SMURF2: variants seen among roughly 807,000 people sequenced by gnomAD.
SMURF2 encodes the protein E3 ubiquitin-protein ligase SMURF2.
A neutral mutation model predicts 109.6 loss-of-function variants in SMURF2; 48 were observed. That is an observed-to-expected ratio of 0.44 (90% CI 0.35 to 0.56). The LOEUF (loss-of-function observed/expected upper bound fraction) is 0.56, where lower values mean the gene tolerates loss of function less well. Among genes scored for constraint, SMURF2 ranks in the 20% least tolerant of loss-of-function variants. SMURF2 has a pLI of 0.01. For missense variants in SMURF2, 575 were observed against 909.0 expected (o/e 0.63, Z 4.72); for synonymous variants, 288 against 317.1 (o/e 0.91, Z 0.97).
intron 1 of SMURF2, among the ~76,000 whole-genome samples, chr17:64,655,070 T>C (rs1468646407): frequency 6.6e-6 from 1 of 151,844 alleles, no homozygotes; most frequent in African/African-American, 2.4e-5. Context: ...CACACAAATA[T>C]AAATTATCTG....
intron 1 of SMURF2, among the ~76,000 whole-genome samples, chr17:64,652,945 G>C (rs1555693645): frequency 2.0e-5 from 3 of 152,092 alleles, no homozygotes; most frequent in Admixed American, 6.5e-5. Context: ...AAATGTATGA[G>C]TTAAAATTAT....
intron 11 of SMURF2, among the ~76,000 whole-genome samples, 196 bp from the exon 12 acceptor site, chr17:64,561,799 C>A (rs1452565897): frequency 6.6e-6 from 1 of 151,220 alleles, no homozygotes; most frequent in Non-Finnish European, 1.5e-5. Flanking sequence ...GAATTCTAGA[C>A]CAGCCTGGGC....
chr17:64,547,544 C>G lies in SMURF2; in HGVS notation c.2071+56G>C, dbSNP rs1555683226. The G allele has an allele frequency of 4.7e-6, 7 of 1,479,252 alleles. No individual in the cohort carries two copies. The Admixed American group carries it at 6.7e-5, about 14-fold the overall frequency. The allele number at this position is 1,479,252 out of a possible 1,614,324, so 91.6% of individuals were successfully genotyped here. A position where few individuals can be genotyped will look rare whatever the true frequency, so the allele number is the denominator to read the frequency against. ...TTACAAAATATCTCCACAGACCCCA[C>G]GCTGACAGCCCCGCCCCCACCCGCT... On this transcript the variant is annotated intron_variant, in intron 17 of 18. Transcript: ENST00000262435. This position sits in a 1 kb window ranked among gnomAD's most constrained non-coding sequence, Gnocchi z 4.2.
chr17:64,564,768 T>C (rs957781723), intron 10 of SMURF2, among the ~76,000 whole-genome samples: 1 of 152,182 alleles, frequency 6.6e-6, no homozygotes, highest in South Asian at 2.1e-4. Flanking sequence ...AAGGAACTCA[T>C]TATCACTTAC....
At chr17:64,566,568 T>G (rs1222329363) in intron 10 of SMURF2, among the ~76,000 whole-genome samples, 1,281 of 79,010 alleles carry the variant, frequency 0.016, 79 homozygotes, top group African/African-American at 0.052. Context: ...CTGGTTTTTT[T>G]TTTTTTTTTT....
At chr17:64,564,504 G>A (rs113168153) in intron 10 of SMURF2, among the ~76,000 whole-genome samples, 5,127 of 152,170 alleles carry the variant, frequency 0.034, 293 homozygotes, top group African/African-American at 0.12. Context: ...GACCTTATTT[G>A]GAAATAAGGT....
intron 1 of SMURF2, among the ~76,000 whole-genome samples, chr17:64,608,911 C>A (rs1440988613): frequency 1.3e-5 from 2 of 152,202 alleles, no homozygotes; most frequent in Non-Finnish European, 2.9e-5. Flanking sequence ...AGCCTCCCTT[C>A]AGCCAGCCAT....
intron 1 of SMURF2, among the ~76,000 whole-genome samples, chr17:64,611,476 T>C (rs1210269361): frequency 6.6e-6 from 1 of 152,110 alleles, no homozygotes; most frequent in Non-Finnish European, 1.5e-5. Context: ...TCCCTCCAGT[T>C]GACTTTCTTT....
chr17:64,590,144 C>CTTTT (rs200015210), intron 5 of SMURF2, among the ~76,000 whole-genome samples: 20,391 of 136,642 alleles, frequency 0.15, 2,738 homozygotes, highest in African/African-American at 0.35. Context: ...TTTTTCTTTT[C>CTTTT]TTTTTTTTTT....
chr17:64,562,351 GA>G (rs1969233486), intron 11 of SMURF2, among the ~76,000 whole-genome samples: 1 of 147,330 alleles, frequency 6.8e-6, no homozygotes, highest in Non-Finnish European at 1.5e-5. Context: ...GGTATTCTTG[GA>G]AAAGAGCATA....
intron 6 of SMURF2, among the ~76,000 whole-genome samples, chr17:64,584,308 A>G (rs1469829686): frequency 4.2e-5 from 6 of 143,844 alleles, no homozygotes; most frequent in Admixed American, 4.1e-4. Context: ...ACAAGAGCGA[A>G]ACTCCTTCTC....
At chr17:64,575,903 T>C (rs1371209350) in intron 9 of SMURF2, among the ~76,000 whole-genome samples, 1 of 151,878 alleles carries the variant, frequency 6.6e-6, no homozygotes, top group South Asian at 2.1e-4. Flanking sequence ...ATCTGTTCAT[T>C]AAAAAATAAC....
intron 4 of SMURF2, among the ~76,000 whole-genome samples, chr17:64,592,272 T>A (rs111974867): frequency 0.05 from 7,614 of 152,284 alleles, 320 homozygotes; most frequent in African/African-American, 0.11. Flanking sequence ...CTAGGGATAA[T>A]GTCAGACATT....
intron 12 of SMURF2, among the ~76,000 whole-genome samples, chr17:64,559,418 AC>A (rs1321187552): frequency 1.3e-5 from 2 of 151,752 alleles, no homozygotes; most frequent in African/African-American, 4.8e-5. Context: ...ACATGGTGAA[AC>A]CCCGTCTCTA....
chr17:64,610,063 T>C (rs1970023262), intron 1 of SMURF2, among the ~76,000 whole-genome samples: 1 of 152,096 alleles, frequency 6.6e-6, no homozygotes, highest in Non-Finnish European at 1.5e-5. Flanking sequence ...TGAGATACCA[T>C]CTCACACCAG....
chr17:64,647,237 C>A (rs1460752381), intron 1 of SMURF2, among the ~76,000 whole-genome samples: 13 of 147,664 alleles, frequency 8.8e-5, no homozygotes, highest in Admixed American at 6.8e-5. Context: ...AGAAAAAATA[C>A]AATTAGGGGT....
chr17:64,607,215 T>G (rs1969982519), intron 1 of SMURF2, among the ~76,000 whole-genome samples: 1 of 152,120 alleles, frequency 6.6e-6, no homozygotes, highest in South Asian at 2.1e-4. Context: ...AAAGTTAATA[T>G]ATTAAAACTA....
At chr17:64,641,128 C>T (rs1970488158) in intron 1 of SMURF2, among the ~76,000 whole-genome samples, 1 of 151,936 alleles carries the variant, frequency 6.6e-6, no homozygotes. Flanking sequence ...TACCAATCTG[C>T]TTCTCTATGA....
chr17:64,610,370 A>G (rs1555689405), intron 1 of SMURF2, among the ~76,000 whole-genome samples: 4 of 152,214 alleles, frequency 2.6e-5, no homozygotes, highest in Non-Finnish European at 5.9e-5. Context: ...ATGCCCATCA[A>G]TGATAGACTG....
Sources: allele counts gnomAD v4.1 joint callset (sites outside exome capture counted in the v4.1 genomes callset), GRCh38; gene constraint gnomAD v4.1.1; non-coding constraint Gnocchi (gnomAD v3.1); transcripts MANE v1.5; gene names NCBI Gene and HGNC (gene_info 2026-07-23, HGNC 2026-07-21).